CLIC5: variants seen among roughly 807,000 people sequenced by gnomAD.
CLIC5 encodes chloride intracellular channel protein 5.
A neutral mutation model predicts 24.7 loss-of-function variants in CLIC5; 20 were observed. That is an observed-to-expected ratio of 0.81 (90% CI 0.57 to 1.18). CLIC5 has a LOEUF of 1.18. CLIC5 is among the 50% of genes most tolerant of loss of function. The pLI is 0.00. For synonymous variants in CLIC5, 159 were observed against 135.6 expected (o/e 1.17, Z -1.20); for missense variants, 341 against 326.1 (o/e 1.05, Z -0.35).
downstream of CLIC5, among the ~76,000 whole-genome samples, chr6:45,897,680 T>C (rs1762412330): frequency 6.6e-6 from 1 of 152,102 alleles, no homozygotes; most frequent in Admixed American, 6.6e-5. Flanking sequence ...AGACGTCACA[T>C]TGGCTTCAGG....
intron 4 of CLIC5, among the ~76,000 whole-genome samples, chr6:45,933,094 G>A (rs957647820): frequency 1.1e-4 from 16 of 152,196 alleles, no homozygotes; most frequent in African/African-American, 3.6e-4. Context: ...AGCCCAGGGA[G>A]CTTCCAGGTT....
intron 1 of CLIC5, among the ~76,000 whole-genome samples, chr6:46,011,166 C>T (rs1213180950): frequency 6.6e-6 from 1 of 152,170 alleles, no homozygotes; most frequent in Non-Finnish European, 1.5e-5. Flanking sequence ...TTGACTAGAC[C>T]AACCCTATAC....
At chr6:45,924,656 T>C (rs1488231880) in intron 4 of CLIC5, among the ~76,000 whole-genome samples, 10 of 152,140 alleles carry the variant, frequency 6.6e-5, no homozygotes, top group Admixed American at 6.5e-4. Flanking sequence ...GACAGGTATT[T>C]TCACCAGAGA....
intron 6 of CLIC5, among the ~76,000 whole-genome samples, chr6:45,887,879 G>A (rs1762319144): frequency 6.6e-6 from 1 of 152,090 alleles, no homozygotes; most frequent in Non-Finnish European, 1.5e-5. Flanking sequence ...TCACAAGAAG[G>A]GCTCTTAGAA....
At chr6:45,961,601 C>T (rs73460651) in intron 1 of CLIC5, among the ~76,000 whole-genome samples, 3 of 151,988 alleles carry the variant, frequency 2.0e-5, no homozygotes, top group African/African-American at 7.2e-5. Flanking sequence ...TTCCAGCTGC[C>T]CATTTTTTAA....
chr6:46,122,271 G>A, the CLIC5 span, among the ~76,000 whole-genome samples: 1 of 152,194 alleles, frequency 6.6e-6, no homozygotes, highest in African/African-American at 2.4e-5. Context: ...TCAGGATTAA[G>A]AAACTCACTC....
At chr6:46,080,268 A>C in exon 1 of CLIC5, 1 of 1,535,422 alleles carries the variant, frequency 6.5e-7, no homozygotes, top group South Asian at 1.2e-5. Context: ...AGATCTGTTT[A>C]CAGGGAGACC....
intron 3 of CLIC5, among the ~76,000 whole-genome samples, chr6:45,947,740 G>A (rs1474125271): frequency 1.3e-5 from 2 of 152,172 alleles, no homozygotes; most frequent in Non-Finnish European, 2.9e-5. Flanking sequence ...CCGGGGAGGG[G>A]GATGGAGTCT....
At chr6:45,951,084 G>C (rs1222785149) in intron 2 of CLIC5, among the ~76,000 whole-genome samples, 2 of 152,190 alleles carry the variant, frequency 1.3e-5, no homozygotes, top group Non-Finnish European at 2.9e-5. Context: ...AAACTTTGCT[G>C]GGCCCAGTAG....
the CLIC5 span, among the ~76,000 whole-genome samples, chr6:46,087,512 T>C: frequency 6.6e-6 from 1 of 152,016 alleles, no homozygotes; most frequent in Non-Finnish European, 1.5e-5. Context: ...CTTACTTAGG[T>C]TGGGACCCAA....
chr6:46,027,917 A>G (rs975639894), intron 1 of CLIC5, among the ~76,000 whole-genome samples: 3 of 152,198 alleles, frequency 2.0e-5, no homozygotes, highest in African/African-American at 7.2e-5. Context: ...TTACATTGAA[A>G]TTAATTCTTT....
At chr6:45,970,938 T>C (rs1765180419) in intron 1 of CLIC5, among the ~76,000 whole-genome samples, 1 of 152,208 alleles carries the variant, frequency 6.6e-6, no homozygotes, top group African/African-American at 2.4e-5. Flanking sequence ...GATCCCTGCT[T>C]ATGAAAAGCT....
At chr6:46,060,141 A>T (rs905887278) in intron 1 of CLIC5, among the ~76,000 whole-genome samples, 6 of 152,292 alleles carry the variant, frequency 3.9e-5, no homozygotes, top group African/African-American at 1.4e-4. Flanking sequence ...TCTGTGGTAT[A>T]ATTTAGGAGG....
chr6:46,110,062 C>G, the CLIC5 span, among the ~76,000 whole-genome samples: 5 of 152,112 alleles, frequency 3.3e-5, no homozygotes, highest in African/African-American at 1.2e-4. Flanking sequence ...CTTGCTGGCT[C>G]CTTGCTCCTT....
chr6:46,066,819 C>T (rs1762456121), intron 1 of CLIC5, among the ~76,000 whole-genome samples: 1 of 152,018 alleles, frequency 6.6e-6, no homozygotes, highest in Non-Finnish European at 1.5e-5. Context: ...AAAATGAGTT[C>T]AGAAAGATGA....
chr6:45,893,760 A>G (rs1170554808), downstream of CLIC5, among the ~76,000 whole-genome samples: 1 of 152,136 alleles, frequency 6.6e-6, no homozygotes, highest in Admixed American at 6.5e-5. Context: ...CACAACACAT[A>G]TACATCCCTT....
chr6:46,076,334 A>G (rs1762769145), intron 1 of CLIC5, among the ~76,000 whole-genome samples: 2 of 152,358 alleles, frequency 1.3e-5, no homozygotes, highest in South Asian at 4.1e-4. Context: ...CAGAAGCTGC[A>G]GATTACTTTA....
chr6:45,999,972 G>A lies in CLIC5; in HGVS notation c.63+15508C>T, dbSNP rs1174058897. Among the ~76,000 whole-genome samples, 3 of 27,898 alleles carry A rather than the reference G, an allele frequency of 1.1e-4. 1 individual carries two copies. The highest frequency in any genetic ancestry group is 6.3e-3 in the East Asian group (2 of 318). 18.3% of individuals were successfully genotyped at this position (27,898 alleles called of 152,430 possible). On this transcript the variant is annotated intron_variant, in intron 1 of 5. Coordinates refer to ENST00000339561, the MANE Select transcript of CLIC5 (RefSeq NM_016929.5). ...TCACCTTGTTAGCCAGGATGGTCTC[G>A]ATCTCCTGACCTCATGATCCACCCG...
intron 4 of CLIC5, among the ~76,000 whole-genome samples, chr6:45,927,347 C>T (rs1394536757): frequency 6.6e-6 from 1 of 152,134 alleles, no homozygotes; most frequent in Non-Finnish European, 1.5e-5. Context: ...CGCCTGGGAG[C>T]TCTCAGGCCT....
Sources: gnomAD v4.1 joint callset for allele counts (sites outside exome capture counted in the v4.1 genomes callset) on GRCh38, gnomAD v4.1.1 for gene constraint, MANE v1.5 for transcripts, NCBI Gene and HGNC (gene_info 2026-07-23, HGNC 2026-07-21) for gene names.